Variants in GXYLT1 observed in about 807,000 individuals in gnomAD.
The protein encoded by GXYLT1 is glycosyltransferase 8 domain containing 3.
A neutral mutation model predicts 54.0 loss-of-function variants in GXYLT1; 29 were observed. That is an observed-to-expected ratio of 0.54 (90% CI 0.40 to 0.73). The LOEUF is 0.73. Ranked by LOEUF, GXYLT1 falls within the 30% of genes least tolerant of loss-of-function variation. The pLI is 0.00. For missense variants in GXYLT1, 490 were observed against 553.4 expected (o/e 0.89, Z 1.15); for synonymous variants, 176 against 204.1 (o/e 0.86, Z 1.17).
intron 2 of GXYLT1, among the ~76,000 whole-genome samples, chr12:42,127,199 G>A (rs2065567890): frequency 6.6e-6 from 1 of 152,192 alleles, no homozygotes; most frequent in African/African-American, 2.4e-5. Context: ...AGTAGATACT[G>A]AGATGGAGGG....
intron 1 of GXYLT1, among the ~76,000 whole-genome samples, chr12:42,135,653 C>A (rs1458582817): frequency 1.3e-5 from 2 of 152,178 alleles, no homozygotes; most frequent in Non-Finnish European, 2.9e-5. Context: ...TAGTGATACA[C>A]GCTACAGTGG....
rs565517816 is a variant in GXYLT1, at chr12:42,082,571, T to C, written c.*5215A>G. ...TTGGCTCTCTGCAGCCTCAAACTCT[T>C]GCACTCAAGCAATCCTCCTGCCTCA... On this transcript the variant is annotated 3_prime_UTR_variant, in exon 8 of 8. Transcript: ENST00000398675. 15 of 152,282 alleles carry C rather than the reference T, an allele frequency of 9.9e-5. No individual in the cohort carries two copies. Among genetic ancestry groups the C allele is most frequent in the African/African-American group, 3.6e-4 (15 of 41,558 alleles). The allele number at this position is 152,282 out of a possible 1,614,324, so 9.4% of individuals were successfully genotyped here.
chr12:42,127,429 C>A (rs1354630148), intron 2 of GXYLT1, among the ~76,000 whole-genome samples: 1 of 152,082 alleles, frequency 6.6e-6, no homozygotes, highest in Non-Finnish European at 1.5e-5. Flanking sequence ...AGGCATATAA[C>A]TTCTGAAGTC....
chr12:42,090,477 C>T (rs1406502799), intron 7 of GXYLT1, among the ~76,000 whole-genome samples: 1 of 152,224 alleles, frequency 6.6e-6, no homozygotes, highest in East Asian at 1.9e-4. Flanking sequence ...ATGTCAGCTC[C>T]TCTGAGAAGC....
intron 5 of GXYLT1, 50 bp downstream of exon 5, chr12:42,105,768 T>G (rs779553281): frequency 6.8e-7 from 1 of 1,472,120 alleles, no homozygotes; most frequent in Non-Finnish European, 9.2e-7. Flanking sequence ...TAAAAACAAT[T>G]TAGAAGGTTT....
At chr12:42,113,284 T>G (rs1184386500) in intron 3 of GXYLT1, among the ~76,000 whole-genome samples, 2 of 150,946 alleles carry the variant, frequency 1.3e-5, no homozygotes, top group African/African-American at 5.0e-5. Flanking sequence ...CATAACAATA[T>G]TAACCTTAAA....
chr12:42,111,502 G>A (rs912086074), intron 3 of GXYLT1, among the ~76,000 whole-genome samples: 16 of 152,334 alleles, frequency 1.1e-4, no homozygotes, highest in African/African-American at 3.6e-4. Flanking sequence ...TGGCTCAGAG[G>A]GTCCTATGCC....
intron 5 of GXYLT1, among the ~76,000 whole-genome samples, chr12:42,099,998 GCTT>G (rs1396939273): frequency 1.3e-5 from 2 of 152,110 alleles, no homozygotes; most frequent in Non-Finnish European, 2.9e-5. Context: ...TATATTTTAT[GCTT>G]TTTTAAAATA....
chr12:42,113,806 C>T (rs1040287706), intron 3 of GXYLT1, among the ~76,000 whole-genome samples: 3 of 150,996 alleles, frequency 2.0e-5, no homozygotes, highest in African/African-American at 5.0e-5. Flanking sequence ...AACTCTCCAC[C>T]CCAAATCAAC....
chr12:42,109,730 G>T, intron 3 of GXYLT1, 39 bp from the exon 4 acceptor site: 1 of 1,301,454 alleles, frequency 7.7e-7, no homozygotes, highest in Non-Finnish European at 1.1e-6. Context: ...GTTTCACTCT[G>T]AATTTTCTCT....
intron 3 of GXYLT1, among the ~76,000 whole-genome samples, chr12:42,114,980 G>T (rs558558513): frequency 2.0e-5 from 3 of 152,188 alleles, no homozygotes; most frequent in East Asian, 1.9e-4. Context: ...TTCAACATAT[G>T]GAAATCAATA....
chr12:42,111,450 T>C (rs1046741418), intron 3 of GXYLT1, among the ~76,000 whole-genome samples: 1 of 152,122 alleles, frequency 6.6e-6, no homozygotes, highest in Admixed American at 6.5e-5. Context: ...GCTTTTCCAA[T>C]GGGCTTAAAA....
intron 1 of GXYLT1, among the ~76,000 whole-genome samples, chr12:42,130,377 A>G (rs973970029): frequency 1.3e-5 from 2 of 152,194 alleles, no homozygotes; most frequent in African/African-American, 2.4e-5. Flanking sequence ...GAAAATGGTC[A>G]ATATCACTAA....
chr12:42,107,638 C>T (rs1274952037), intron 4 of GXYLT1, among the ~76,000 whole-genome samples: 1 of 152,028 alleles, frequency 6.6e-6, no homozygotes, highest in Non-Finnish European at 1.5e-5. Context: ...TTGCAGTGAG[C>T]CAAGACTGCG....
chr12:42,115,452 G>T (rs2065488007), intron 3 of GXYLT1, among the ~76,000 whole-genome samples: 1 of 152,186 alleles, frequency 6.6e-6, no homozygotes, highest in South Asian at 2.1e-4. Flanking sequence ...CAAAATCAAT[G>T]TGCAAAAATC....
intron 3 of GXYLT1, among the ~76,000 whole-genome samples, chr12:42,112,490 C>T (rs979456229): frequency 2.0e-5 from 3 of 152,074 alleles, no homozygotes; most frequent in Non-Finnish European, 4.4e-5. Flanking sequence ...AGCTATGTGA[C>T]AAATGCAGAA....
chr12:42,132,234 C>A (rs1027488022), intron 1 of GXYLT1, among the ~76,000 whole-genome samples: 4 of 152,106 alleles, frequency 2.6e-5, no homozygotes, highest in African/African-American at 9.7e-5. Flanking sequence ...CAAGACTCCC[C>A]AGAGAAGTGG....
intron 1 of GXYLT1, among the ~76,000 whole-genome samples, chr12:42,142,286 T>C (rs898515646): frequency 6.6e-6 from 1 of 152,028 alleles, no homozygotes; most frequent in Admixed American, 6.6e-5. Flanking sequence ...GATTTATACA[T>C]GAAGAGGTTA....
At chr12:42,140,939 G>C (rs2065648938) in intron 1 of GXYLT1, among the ~76,000 whole-genome samples, 2 of 152,194 alleles carry the variant, frequency 1.3e-5, no homozygotes, top group Admixed American at 6.5e-5. Context: ...ATGAATTAGT[G>C]ATGTCCGGTA....
Sources: gnomAD v4.1 joint callset for allele counts (sites outside exome capture counted in the v4.1 genomes callset) on GRCh38, gnomAD v4.1.1 for gene constraint, MANE v1.5 for transcripts, NCBI Gene and HGNC (gene_info 2026-07-23, HGNC 2026-07-21) for gene names.